The following EML5 variants were observed in gnomAD, a reference collection of about 807,000 sequenced individuals.
The protein encoded by EML5 is EMAP like 5, also known as echinoderm microtubule-associated protein-like 5.
A neutral mutation model predicts 250.0 loss-of-function variants in EML5; 120 were observed. The ratio of observed to expected loss-of-function variants is 0.48; its 90% CI spans 0.41 to 0.56. EML5 has a LOEUF of 0.56. Ranked by LOEUF, EML5 falls within the 20% of genes least tolerant of loss-of-function variation. The probability of loss-of-function intolerance (pLI) is 0.00; values close to 1 mark genes in which losing one functional copy is unlikely to be tolerated. For synonymous variants in EML5, 771 were observed against 806.5 expected, an observed-to-expected ratio of 0.96 and a Z score of 0.75; for missense variants, 2,006 against 2,437.6, an observed-to-expected ratio of 0.82 and a Z score of 3.73.
Position 88,616,210 on chromosome 14 carries a change from G to A in EML5, c.5829C>T (p.Pro1943=), listed in dbSNP as rs2087586312. Residue 1943 remains proline (P), a synonymous_variant, in exon 43 of 44, where the codon CCC becomes CCT. Transcript: ENST00000554922. ...TGGTAAATCGAATATTTGTCACATG[G>A]GGCGAATGACCCAAGAACCTTTTGT... ...AKHKRFLGHS[P]HVTNIRFTSG... 6.2e-7 allele frequency: 1 copy of A among 1,613,814 alleles called. No homozygotes were observed. The highest frequency in any genetic ancestry group is 1.3e-5 in the African/African-American group (1 of 75,012).
At chr14:88,724,724 G>T (rs1281954709) in intron 8 of EML5, among the ~76,000 whole-genome samples, 2 of 152,258 alleles carry the variant, frequency 1.3e-5, no homozygotes, top group East Asian at 3.9e-4. Flanking sequence ...AAAAAATGAA[G>T]CTGATCATGA....
rs559445711 is a variant in EML5, at chr14:88,726,050, T to C, written c.1187+491A>G. 1.6e-4 allele frequency among the ~76,000 whole-genome samples: 25 copies of C among 152,344 alleles called. No individual in the cohort carries two copies. The South Asian group carries it at 5.0e-3, about 30-fold the overall frequency. On this transcript the variant is annotated intron_variant, in intron 8 of 43. Coordinates refer to ENST00000554922, the MANE Select transcript of EML5 (RefSeq NM_183387.3). ...GAATTCAATTGAATTTATCTATCTA[T>C]AATTCAACACAAAATGTTAACTGCT... is the stretch of plus-strand genomic sequence containing the variant.
At chr14:88,695,549 A>G in intron 15 of EML5, 95 bp from the exon 16 acceptor site, 1 of 1,137,190 alleles carries the variant, frequency 8.8e-7, no homozygotes, top group African/African-American at 1.6e-5. Context: ...CTATATTTAA[A>G]ATTTGATAAA....
intron 31 of EML5, among the ~76,000 whole-genome samples, chr14:88,641,174 C>A (rs1020906645): frequency 1.3e-5 from 2 of 152,038 alleles, no homozygotes; most frequent in Admixed American, 6.5e-5. Flanking sequence ...TGAATTCTCC[C>A]AGACATACAA....
chr14:88,754,453 C>A, intron 2 of EML5, 59 bp downstream of exon 2: 3 of 1,378,786 alleles, frequency 2.2e-6, no homozygotes, highest in Non-Finnish European at 2.9e-6. Flanking sequence ...GATTTATAAT[C>A]ATTTTCTATA....
At chr14:88,737,225 C>T (rs1048856047) in intron 6 of EML5, among the ~76,000 whole-genome samples, 1 of 152,198 alleles carries the variant, frequency 6.6e-6, no homozygotes, top group African/African-American at 2.4e-5. Context: ...CACCACATGC[C>T]CCCATTTATT....
chr14:88,616,328 A>AGAGCTGTG, intron 42 of EML5, 86 bp from the exon 43 acceptor site: 1 of 1,275,328 alleles, frequency 7.8e-7, no homozygotes, highest in Non-Finnish European at 1.1e-6. Flanking sequence ...CTCTATGACA[A>AGAGCTGTG]GAGCTGTGGA....
chr14:88,747,882 T>C (rs988462523), intron 2 of EML5, among the ~76,000 whole-genome samples: 5 of 144,702 alleles, frequency 3.5e-5, no homozygotes, highest in Non-Finnish European at 6.1e-5. Flanking sequence ...GAACTTACCC[T>C]CCCCGACCCA....
intron 23 of EML5, 68 bp downstream of exon 23, chr14:88,664,425 T>A: frequency 7.6e-7 from 1 of 1,323,448 alleles, no homozygotes; most frequent in Non-Finnish European, 1.0e-6. Flanking sequence ...CACTTTTCCG[T>A]TTCTCTAATA....
At chr14:88,737,082 T>A (rs1291047631) in intron 6 of EML5, among the ~76,000 whole-genome samples, 1 of 152,114 alleles carries the variant, frequency 6.6e-6, no homozygotes, top group Non-Finnish European at 1.5e-5. Flanking sequence ...ACCTGCCAGC[T>A]GCCAGTATAA....
chr14:88,674,667 C>G (rs1432519145), intron 21 of EML5, among the ~76,000 whole-genome samples: 1 of 152,154 alleles, frequency 6.6e-6, no homozygotes, highest in African/African-American at 2.4e-5. Flanking sequence ...CATTTCAAAC[C>G]CAATCGTGCC....
At chr14:88,625,296 C>T in intron 35 of EML5, 169 bp from the exon 36 acceptor site, 1 of 681,346 alleles carries the variant, frequency 1.5e-6, no homozygotes, top group Non-Finnish European at 2.3e-6. Flanking sequence ...GAACGGGAGG[C>T]TTAGCTTTGT....
chr14:88,636,308 C>T (rs2090724694), intron 32 of EML5, among the ~76,000 whole-genome samples: 1 of 152,208 alleles, frequency 6.6e-6, no homozygotes, highest in African/African-American at 2.4e-5. Flanking sequence ...AATCCCCTTG[C>T]TCTCATGTAC....
At chr14:88,788,350 G>A (rs1404331036) in intron 1 of EML5, among the ~76,000 whole-genome samples, 9 of 151,998 alleles carry the variant, frequency 5.9e-5, no homozygotes, top group Admixed American at 5.2e-4. Flanking sequence ...TTAAGAACAC[G>A]ATTTACCACA....
intron 31 of EML5, among the ~76,000 whole-genome samples, chr14:88,641,858 A>G (rs1051910315): frequency 6.6e-6 from 1 of 152,236 alleles, no homozygotes; most frequent in Non-Finnish European, 1.5e-5. Context: ...AAATAAAATT[A>G]TAAGTATAAA....
intron 10 of EML5, among the ~76,000 whole-genome samples, chr14:88,708,518 T>C (rs927391964): frequency 6.6e-6 from 1 of 152,156 alleles, no homozygotes; most frequent in Non-Finnish European, 1.5e-5. Context: ...AAGCAAAGAT[T>C]ATATTTCCTT....
chr14:88,718,604 GGT>G (rs1261684688), intron 8 of EML5, among the ~76,000 whole-genome samples: 2 of 152,078 alleles, frequency 1.3e-5, no homozygotes, highest in Non-Finnish European at 2.9e-5. Flanking sequence ...AGGGACATAG[GGT>G]ACAATTAGTC....
At chr14:88,776,302 G>C (rs1374421203) in intron 1 of EML5, among the ~76,000 whole-genome samples, 1 of 152,148 alleles carries the variant, frequency 6.6e-6, no homozygotes, top group Non-Finnish European at 1.5e-5. Context: ...GGAACAGAGA[G>C]ATGTGGCCTT....
chr14:88,700,171 C>T (rs961151818), intron 14 of EML5, among the ~76,000 whole-genome samples: 4 of 152,138 alleles, frequency 2.6e-5, no homozygotes, highest in East Asian at 1.9e-4. Context: ...TCATGTTATT[C>T]GACTTTCCAG....
Sources: allele counts gnomAD v4.1 joint callset (sites outside exome capture counted in the v4.1 genomes callset), GRCh38; gene constraint gnomAD v4.1.1; transcripts MANE v1.5; gene names NCBI Gene and HGNC (gene_info 2026-07-23, HGNC 2026-07-21).